The following PRKCB variants were observed in gnomAD, a reference collection of about 807,000 sequenced individuals.
The protein encoded by PRKCB is protein kinase C beta type.
A neutral mutation model predicts 81.5 loss-of-function variants in PRKCB; 13 were observed. The observed-to-expected ratio is 0.16, with a 90% CI of 0.10 to 0.25. The LOEUF (loss-of-function observed/expected upper bound fraction) is 0.25, where lower values mean the gene tolerates loss of function less well. Among genes scored for constraint, PRKCB ranks in the 10% least tolerant of loss-of-function variants. The pLI, the probability that PRKCB is intolerant of heterozygous loss-of-function variation, is 1.00. For synonymous variants in PRKCB, 335 were observed against 321.4 expected (o/e 1.04, Z -0.45); for missense variants, 509 against 875.7 (o/e 0.58, Z 5.29).
At chr16:23,847,394 A>G (rs955438025) in intron 2 of PRKCB, among the ~76,000 whole-genome samples, 2 of 150,890 alleles carry the variant, frequency 1.3e-5, no homozygotes, top group African/African-American at 4.9e-5. Context: ...CTATCTATCT[A>G]TCCATCCATC....
At chr16:23,875,507 G>A (rs8045214) in intron 2 of PRKCB, among the ~76,000 whole-genome samples, 517 of 18,210 alleles carry the variant, frequency 0.028, 40 homozygotes, top group African/African-American at 0.1. Context: ...ATATATATAT[G>A]ATGTATATCA....
intron 2 of PRKCB, among the ~76,000 whole-genome samples, chr16:23,885,801 G>A (rs1276310889): frequency 6.6e-6 from 1 of 152,116 alleles, no homozygotes; most frequent in African/African-American, 2.4e-5. Context: ...AAGCTGGCGG[G>A]GAAATATTTT....
intron 2 of PRKCB, among the ~76,000 whole-genome samples, chr16:23,860,013 A>G (rs1375704929): frequency 1.3e-5 from 2 of 152,196 alleles, no homozygotes; most frequent in African/African-American, 2.4e-5. Flanking sequence ...TTTTGAGGCC[A>G]GTTGAGAAAT....
chr16:23,939,222 G>A (rs552488329), intron 2 of PRKCB, among the ~76,000 whole-genome samples: 11 of 152,282 alleles, frequency 7.2e-5, no homozygotes, highest in African/African-American at 2.4e-4. Context: ...AAATGTTGAT[G>A]AAAGAAATAA....
intron 10 of PRKCB, 199 bp from the exon 11 acceptor site, chr16:24,172,071 A>G (rs925832869): frequency 6.0e-6 from 3 of 502,826 alleles, no homozygotes; most frequent in Non-Finnish European, 1.1e-5. Flanking sequence ...GAAAAAAATT[A>G]TCTGTGTATC....
intron 9 of PRKCB, among the ~76,000 whole-genome samples, chr16:24,153,687 C>T (rs1967111486): frequency 6.6e-6 from 1 of 152,140 alleles, no homozygotes; most frequent in Non-Finnish European, 1.5e-5. Context: ...CAGAAAATAC[C>T]GATGTGTCTG....
chr16:23,947,432 C>A (rs7191874), intron 2 of PRKCB, among the ~76,000 whole-genome samples: 4,029 of 152,248 alleles, frequency 0.026, 172 homozygotes, highest in African/African-American at 0.09. Flanking sequence ...CAGGACTTTG[C>A]TGGGCAATCT....
In PRKCB at chr16:23,987,410, G is replaced by A. The variant is rs185564356; in HGVS notation, c.206-1098G>A. 2.5e-4 allele frequency among the ~76,000 whole-genome samples: 33 copies of A among 130,236 alleles called. 1 individual carries two copies. The South Asian group carries it at 5.0e-3, about 20-fold the overall frequency. 85.4% of individuals were successfully genotyped at this position (130,236 alleles called of 152,430 possible). On this transcript the variant is annotated intron_variant, in intron 2 of 16. Transcript: ENST00000643927. ...GGGTATTTGGTTGGGGTGGGGGGGG[G>A]TGTGTTTGCTGATCGCATCCCTGTG...
In PRKCB at chr16:24,145,271, C is replaced by T. The variant is rs149338451; in HGVS notation, c.1066-9413C>T. Among the ~76,000 whole-genome samples the T allele has an allele frequency of 1.4e-3, 212 of 152,210 alleles. 1 individual carries two copies. The highest frequency in any genetic ancestry group is 2.3e-3 in the Non-Finnish European group (158 of 67,988). Reference sequence around the variant, plus strand: ...GAACAAACTTAAGTTTCTAAAGCATCGTTCAGGTGTATAGAGAATAGAATG... The same window carrying T: ...GAACAAACTTAAGTTTCTAAAGCATTGTTCAGGTGTATAGAGAATAGAATG... On this transcript the variant is annotated intron_variant, in intron 9 of 16. Coordinates refer to ENST00000643927, the MANE Select transcript of PRKCB (RefSeq NM_002738.7).
At chr16:24,202,479 C>T (rs1967974070) in intron 16 of PRKCB, among the ~76,000 whole-genome samples, 1 of 152,140 alleles carries the variant, frequency 6.6e-6, no homozygotes, top group Non-Finnish European at 1.5e-5. Flanking sequence ...TGCTCTAATC[C>T]TTTCTCCTTT....
At position 24,080,545 on chromosome 16, in the gene PRKCB, TG is replaced by T. The variant is rs201098079; in HGVS notation, c.530-12244del. The stretch of plus-strand genomic sequence containing the variant: ...GGAGCAGGAGGATAATGAGCGTTGT[TG>T]GACATGTTGAGTTTAGCGTACATAT... On this transcript the variant is annotated intron_variant, in intron 5 of 16. Coordinates refer to ENST00000643927, the MANE Select transcript of PRKCB (RefSeq NM_002738.7). Among the ~76,000 whole-genome samples, 144 of 152,150 alleles carry T rather than the reference TG, an allele frequency of 9.5e-4. 1 individual carries two copies. In the East Asian group the frequency reaches 0.026, roughly 27 times the overall value.
At chr16:24,113,969 C>A (rs1966708277) in intron 8 of PRKCB, among the ~76,000 whole-genome samples, 1 of 151,816 alleles carries the variant, frequency 6.6e-6, no homozygotes, top group Non-Finnish European at 1.5e-5. Context: ...GTAATTCCAG[C>A]ACTTTGGGAA....
At chr16:24,111,905 T>C (rs967080808) in intron 7 of PRKCB, among the ~76,000 whole-genome samples, 1 of 152,236 alleles carries the variant, frequency 6.6e-6, no homozygotes, top group African/African-American at 2.4e-5. Flanking sequence ...ACATGCGTCA[T>C]TACATTTCAA....
chr16:24,140,162 G>T (rs1427085201), intron 9 of PRKCB, among the ~76,000 whole-genome samples: 1 of 152,216 alleles, frequency 6.6e-6, no homozygotes, highest in Non-Finnish European at 1.5e-5. Flanking sequence ...ACATATGTTT[G>T]TGTGGACATA....
chr16:24,174,549 T>C lies in PRKCB; in HGVS notation c.1363T>C (p.Phe455Leu). ...FYAAEIAIGL[F>L]FLQSKGIIYR... The stretch of plus-strand genomic sequence containing the variant: ...CGCTGCAGAAATTGCCATCGGTCTG[T>C]TCTTCTTACAGAGTAAGGGCATCAT... Residue 455 changes from phenylalanine to leucine, a missense_variant, in exon 12 of 17, where the codon TTC (phenylalanine) becomes CTC (leucine). Phe to Leu is a conservative substitution (Grantham distance 22). Transcript: ENST00000643927. 6.2e-7 allele frequency: 1 copy of C among 1,613,866 alleles called. No individual in the cohort carries two copies. Among genetic ancestry groups the C allele is most frequent in the Non-Finnish European group, 8.5e-7 (1 of 1,179,922 alleles).
chr16:24,054,287 T>A (rs560747101), intron 5 of PRKCB, among the ~76,000 whole-genome samples: 34 of 152,246 alleles, frequency 2.2e-4, no homozygotes, highest in Admixed American at 1.2e-3. Flanking sequence ...ATTTAAGTTA[T>A]GTATTTGCAA....
rs181391732 is a variant in PRKCB, at chr16:24,059,685, G to T, written c.529+24138G>T. The stretch of plus-strand genomic sequence containing the variant: ...CTATCTCGAATAATAATTATTATTA[G>T]TAGTAATAATTATAGTGCTTTTAGA... On this transcript the variant is annotated intron_variant, in intron 5 of 16. Coordinates refer to ENST00000643927, the MANE Select transcript of PRKCB (RefSeq NM_002738.7). 6.9e-3 allele frequency among the ~76,000 whole-genome samples: 1,044 copies of T among 152,158 alleles called. 5 individuals are homozygous for T. The highest frequency in any genetic ancestry group is 0.01 in the Non-Finnish European group (682 of 68,008).
At chr16:23,873,187 CACAAAA>C (rs1353746745) in intron 2 of PRKCB, among the ~76,000 whole-genome samples, 29 of 77,032 alleles carry the variant, frequency 3.8e-4, no homozygotes, top group African/African-American at 5.3e-4. Flanking sequence ...CACACACACA[CACAAAA>C]AAAAAAAAAA....
Position 24,151,768 on chromosome 16 carries a change from G to T in PRKCB, c.1066-2916G>T, listed in dbSNP as rs117421026. 4,296 of 455,486 alleles carry T rather than the reference G, an allele frequency of 9.4e-3. 25 individuals are homozygous for T. The highest frequency in any genetic ancestry group is 0.013 in the Non-Finnish European group (2,853 of 226,464). 28.2% of individuals were successfully genotyped at this position (455,486 alleles called of 1,614,324 possible). Reference sequence around the variant, plus strand: ...CTGAAGGGCTTTCAGCATTCAAGTGGCACAGTCAGAGCTGCATTTTCAGAA... The same window carrying T: ...CTGAAGGGCTTTCAGCATTCAAGTGTCACAGTCAGAGCTGCATTTTCAGAA... On this transcript the variant is annotated intron_variant, in intron 9 of 16. Coordinates refer to ENST00000643927, the MANE Select transcript of PRKCB (RefSeq NM_002738.7).
Sources: gnomAD v4.1 joint callset for allele counts (sites outside exome capture counted in the v4.1 genomes callset) on GRCh38, gnomAD v4.1.1 for gene constraint, MANE v1.5 for transcripts, NCBI Gene and HGNC (gene_info 2026-07-23, HGNC 2026-07-21) for gene names.